SLBP: variants seen among roughly 807,000 people sequenced by gnomAD.
SLBP encodes stem-loop histone mRNA binding protein.
A neutral mutation model predicts 39.2 loss-of-function variants in SLBP; 29 were observed. That is an observed-to-expected ratio of 0.74 (90% CI 0.55 to 1.01). The LOEUF (loss-of-function observed/expected upper bound fraction) is 1.01. SLBP is among the 50% of genes least tolerant of loss of function. SLBP has a pLI of 0.00. For synonymous variants in SLBP, 129 were observed against 118.7 expected, an observed-to-expected ratio of 1.09 and a Z score of -0.57; for missense variants, 390 against 350.2, an observed-to-expected ratio of 1.11 and a Z score of -0.91.
At chr4:1,707,441 G>T (rs1463849489) in intron 2 of SLBP, among the ~76,000 whole-genome samples, 1 of 150,968 alleles carries the variant, frequency 6.6e-6, no homozygotes, top group Middle Eastern at 3.2e-3. Flanking sequence ...GGGAGGTGGA[G>T]GTTGCACTCC....
At chr4:1,707,468 C>G (rs185097668) in intron 2 of SLBP, among the ~76,000 whole-genome samples, 1 of 147,350 alleles carries the variant, frequency 6.8e-6, no homozygotes, top group African/African-American at 2.5e-5. Context: ...GGCAACAGAA[C>G]GAGATTCCAT....
At chr4:1,703,804 G>A (rs1716419645) in intron 2 of SLBP, 104 bp from the exon 3 acceptor site, 1 of 845,040 alleles carries the variant, frequency 1.2e-6, no homozygotes, top group Admixed American at 1.8e-5. Flanking sequence ...AGTGGCTTGT[G>A]CCTGTAATAC....
chr4:1,694,994 A>G (rs942044542), intron 6 of SLBP, among the ~76,000 whole-genome samples, 154 bp from the exon 7 acceptor site: 1 of 152,232 alleles, frequency 6.6e-6, no homozygotes, highest in Non-Finnish European at 1.5e-5. Flanking sequence ...ACTATTTGAC[A>G]GACTTAATCC....
In SLBP at chr4:1,700,040, A is replaced by G. The variant is rs758675988; in HGVS notation, c.312T>C (p.Phe104=). 1.1e-5 allele frequency: 17 copies of G among 1,601,082 alleles called. No individual in the cohort carries two copies. Among genetic ancestry groups the G allele is most frequent in the East Asian group, 2.2e-5 (1 of 44,834 alleles). ...CTGATGATGATTTTCTCTCTCTTCC[A>G]AAGTCATTGATGAGGAGTTTCCTTT... ...RYKRKLLIND[F]GRERKSSSGS... is the part of the protein sequence containing the mutation. Residue 104 remains phenylalanine, a synonymous_variant, in exon 4 of 8, where the codon TTT becomes TTC. Transcript: ENST00000489418.
chr4:1,708,818 G>A (rs1716620675), intron 2 of SLBP, among the ~76,000 whole-genome samples: 1 of 152,158 alleles, frequency 6.6e-6, no homozygotes, highest in Non-Finnish European at 1.5e-5. Flanking sequence ...GGTGCCTCCA[G>A]GCATTATCCA....
At chr4:1,698,493 TG>T (rs1199016698) in intron 5 of SLBP, among the ~76,000 whole-genome samples, 5 of 150,266 alleles carry the variant, frequency 3.3e-5, no homozygotes, top group African/African-American at 9.8e-5. Flanking sequence ...AAAAAAAAAT[TG>T]TTTTTTTTGA....
At chr4:1,706,777 C>T (rs796873250) in intron 2 of SLBP, among the ~76,000 whole-genome samples, 28 of 117,460 alleles carry the variant, frequency 2.4e-4, no homozygotes, top group East Asian at 2.3e-3. Flanking sequence ...TGCAGTGAGC[C>T]GAGATCGTGC....
In SLBP at chr4:1,711,094, C is replaced by A. The variant is rs115055049; in HGVS notation, c.176+780G>T. ...AAAAAAAGTAACGCAAAGGTAGTTTCTTGCATGATTCCGCGCTCAGCATAA... is the reference window on the plus strand; with the variant it reads ...AAAAAAAGTAACGCAAAGGTAGTTTATTGCATGATTCCGCGCTCAGCATAA... On this transcript the variant is annotated intron_variant, in intron 2 of 7. Coordinates refer to ENST00000489418, the MANE Select transcript of SLBP (RefSeq NM_006527.4). 5.1e-3 allele frequency among the ~76,000 whole-genome samples: 753 copies of A among 147,098 alleles called. 4 individuals carry two copies. The highest frequency in any genetic ancestry group is 0.018 in the African/African-American group (713 of 39,880).
intron 3 of SLBP, among the ~76,000 whole-genome samples, chr4:1,702,003 A>G (rs1716346774): frequency 6.6e-6 from 1 of 152,314 alleles, no homozygotes; most frequent in South Asian, 2.1e-4. Context: ...AAACAGGACA[A>G]TTTTCAGGCA....
intron 4 of SLBP, 129 bp downstream of exon 4, chr4:1,699,882 T>C (rs1396654591): frequency 1.2e-6 from 1 of 800,488 alleles, no homozygotes; most frequent in Non-Finnish European, 2.0e-6. Flanking sequence ...GATACAGTAT[T>C]TCAAATTAGT....
At chr4:1,694,496 A>G (rs983466746) in intron 7 of SLBP, among the ~76,000 whole-genome samples, 1 of 151,198 alleles carries the variant, frequency 6.6e-6, no homozygotes, top group East Asian at 1.9e-4. Context: ...GGTTCAAGCT[A>G]TTCTCCCACC....
chr4:1,696,325 GGA>G lies in SLBP; in HGVS notation c.504_505del (p.Pro169GlnfsTer4). 1 of 1,591,014 alleles carries G rather than the reference GGA, an allele frequency of 6.3e-7. No homozygotes were observed. The highest frequency in any genetic ancestry group is 8.6e-7 in the Non-Finnish European group (1 of 1,169,470). On this transcript the variant is annotated frameshift_variant, in exon 6 of 8. Transcript: ENST00000489418. LOFTEE classifies it high-confidence loss of function. ...CTTCTTAAATTTATTAGGGGTCTTG[GGA>G]TGAATGCCAGGTTGTCGAAGGTGTC...
At chr4:1,710,401 T>C (rs1225396019) in intron 2 of SLBP, among the ~76,000 whole-genome samples, 3 of 152,206 alleles carry the variant, frequency 2.0e-5, no homozygotes, top group Non-Finnish European at 2.9e-5. Context: ...CCTAAAGGCT[T>C]GAGTCATTCT....
At chr4:1,701,373 C>A (rs1247499509) in intron 3 of SLBP, among the ~76,000 whole-genome samples, 1 of 152,062 alleles carries the variant, frequency 6.6e-6, no homozygotes, top group Non-Finnish European at 1.5e-5. Context: ...TCTCGAACTC[C>A]TGATCTCAGG....
chr4:1,711,051 T>TAAAA (rs34503092), intron 2 of SLBP, among the ~76,000 whole-genome samples: 1 of 121,512 alleles, frequency 8.2e-6, no homozygotes, highest in East Asian at 2.3e-4. Flanking sequence ...ACCCTGTCTT[T>TAAAA]AAAAAAAAAA....
At chr4:1,704,885 T>G (rs1716461078) in intron 2 of SLBP, among the ~76,000 whole-genome samples, 1 of 152,162 alleles carries the variant, frequency 6.6e-6, no homozygotes, top group South Asian at 2.1e-4. Context: ...GATCCTGTAC[T>G]TGCCAAATGT....
intron 5 of SLBP, among the ~76,000 whole-genome samples, chr4:1,697,637 TC>T: frequency 6.6e-6 from 1 of 151,770 alleles, no homozygotes; most frequent in Non-Finnish European, 1.5e-5. Context: ...AGTCAGGAGT[TC>T]GAGACCAGCC....
Position 1,696,247 on chromosome 4 carries a change from T to C in SLBP, c.584A>G (p.His195Arg). Residue 195 changes from histidine (H) to arginine (R), a missense_variant, in exon 6 of 8, where the codon CAT becomes CGT. Physicochemically the swap from His to Arg is conservative, Grantham distance 29. Coordinates refer to ENST00000489418, the MANE Select transcript of SLBP (RefSeq NM_006527.4). ...TTCTTCCGCTGGAGGATCCCAAAAA[T>C]GCAGAGCCACCTTCCAGAGTTTGAT... ...QQIKLWKVAL[H>R]FWDPPAEEGC... is the part of the protein sequence containing the mutation. 1.9e-6 allele frequency: 3 copies of C among 1,602,186 alleles called. No individual in the cohort carries two copies. The highest frequency in any genetic ancestry group is 1.1e-5 in the South Asian group (1 of 88,768).
chr4:1,701,528 C>T (rs899293419), intron 3 of SLBP, among the ~76,000 whole-genome samples: 2 of 152,156 alleles, frequency 1.3e-5, no homozygotes, highest in Non-Finnish European at 2.9e-5. Context: ...CATTTCATAC[C>T]GCTCTTACTG....
Sources: gnomAD v4.1 joint callset for allele counts (sites outside exome capture counted in the v4.1 genomes callset) on GRCh38, gnomAD v4.1.1 for gene constraint, MANE v1.5 for transcripts, NCBI Gene and HGNC (gene_info 2026-07-23, HGNC 2026-07-21) for gene names.